MGMT: variants seen among roughly 807,000 people sequenced by gnomAD.
The protein encoded by MGMT is O-6-methylguanine-DNA methyltransferase, also known as methylated-DNA--protein-cysteine methyltransferase.
Under a neutral mutation model 15.9 loss-of-function variants are expected in MGMT, and 14 were observed. The ratio of observed to expected loss-of-function variants is 0.88; its 90% CI spans 0.58 to 1.37. The LOEUF is 1.37. MGMT is among the 40% of genes most tolerant of loss of function. The pLI, the probability that MGMT is intolerant of heterozygous loss-of-function variation, is 0.00. For missense variants in MGMT, 282 were observed against 268.1 expected, an observed-to-expected ratio of 1.05 and a Z score of -0.36; for synonymous variants, 130 against 118.2, an observed-to-expected ratio of 1.10 and a Z score of -0.65.
rs1021491403 is a variant in MGMT, at chr10:129,770,516, A to G, written c.*3519A>G. 1.3e-5 allele frequency among the ~76,000 whole-genome samples: 2 copies of G among 152,186 alleles called. No homozygotes were observed. The highest frequency in any genetic ancestry group is 2.9e-5 in the Non-Finnish European group (2 of 68,028). On this transcript the variant is annotated 3_prime_UTR_variant, in exon 5 of 5. Transcript: ENST00000651593. Reference sequence around the variant, plus strand: ...TGCCGCTTGCTCACCTTGGCTGTCCATGCACCCGTAGCTGTGACCATGGGC... The same window carrying G: ...TGCCGCTTGCTCACCTTGGCTGTCCGTGCACCCGTAGCTGTGACCATGGGC...
In MGMT at chr10:129,716,197, G is replaced by A. The variant is rs111372913; in HGVS notation, c.274+8154G>A. ...TTAAACACTTGACTCCGTTTAGTTC[G>A]GATCAGGCCTTCTCTGCCCTTCCAA... is the stretch of plus-strand genomic sequence containing the variant. On this transcript the variant is annotated intron_variant, in intron 3 of 4. Coordinates refer to ENST00000651593, the MANE Select transcript of MGMT (RefSeq NM_002412.5). Among the ~76,000 whole-genome samples the A allele has an allele frequency of 2.7e-3, 404 of 152,224 alleles. 3 individuals carry two copies. The highest frequency in any genetic ancestry group is 4.2e-3 in the Non-Finnish European group (284 of 68,028).
intron 3 of MGMT, among the ~76,000 whole-genome samples, chr10:129,752,106 G>T (rs1848756557): frequency 6.6e-6 from 1 of 151,852 alleles, no homozygotes; most frequent in Admixed American, 6.6e-5. Flanking sequence ...AGGTGTTTAG[G>T]TCTCCACATA....
intron 2 of MGMT, among the ~76,000 whole-genome samples, chr10:129,616,835 G>T (rs1184827510): frequency 1.3e-5 from 2 of 152,092 alleles, no homozygotes; most frequent in African/African-American, 4.8e-5. Flanking sequence ...TGGGAGAGGG[G>T]CCTGGGAGTG....
intron 2 of MGMT, among the ~76,000 whole-genome samples, chr10:129,657,535 T>C (rs1050837242): frequency 4.0e-5 from 6 of 151,484 alleles, no homozygotes; most frequent in African/African-American, 1.5e-4. Context: ...AGTCAGGTGC[T>C]GGTCAGTGTC....
intron 2 of MGMT, among the ~76,000 whole-genome samples, chr10:129,560,487 C>T (rs1846264052): frequency 6.6e-6 from 1 of 152,158 alleles, no homozygotes; most frequent in African/African-American, 2.4e-5. Flanking sequence ...CTCTTTTGTA[C>T]TCTGCATTCG....
At chr10:129,584,335 G>A (rs1242587533) in intron 2 of MGMT, among the ~76,000 whole-genome samples, 1 of 152,146 alleles carries the variant, frequency 6.6e-6, no homozygotes, top group Non-Finnish European at 1.5e-5. Flanking sequence ...ATGGGGGCCT[G>A]ACAGGTATCT....
intron 2 of MGMT, among the ~76,000 whole-genome samples, chr10:129,683,202 C>T (rs1272101629): frequency 6.6e-6 from 1 of 152,164 alleles, no homozygotes; most frequent in Non-Finnish European, 1.5e-5. Context: ...ATGGCGTTGG[C>T]TTTGCTGCTG....
chr10:129,636,753 C>T (rs987545953), intron 2 of MGMT, among the ~76,000 whole-genome samples: 2 of 152,098 alleles, frequency 1.3e-5, no homozygotes, highest in African/African-American at 4.8e-5. Flanking sequence ...TTCATATTTG[C>T]ATTTATGAGA....
intron 2 of MGMT, among the ~76,000 whole-genome samples, chr10:129,690,505 A>G (rs551393194): frequency 3.3e-5 from 5 of 152,320 alleles, no homozygotes; most frequent in South Asian, 4.2e-4. Flanking sequence ...TACCTGTGGA[A>G]ACCACAGGAC....
chr10:129,546,583 A>G (rs1277523026), intron 2 of MGMT, among the ~76,000 whole-genome samples: 2 of 152,216 alleles, frequency 1.3e-5, no homozygotes, highest in Non-Finnish European at 2.9e-5. Flanking sequence ...GTGGCCATGA[A>G]GAGCTACCAA....
intron 2 of MGMT, among the ~76,000 whole-genome samples, chr10:129,669,502 T>C (rs1847697587): frequency 6.6e-6 from 1 of 152,234 alleles, no homozygotes; most frequent in Non-Finnish European, 1.5e-5. Context: ...ATTTGAGCAT[T>C]TGTATTGCTT....
intron 2 of MGMT, among the ~76,000 whole-genome samples, chr10:129,674,757 A>G (rs766776409): frequency 1.9e-4 from 29 of 152,308 alleles, no homozygotes; most frequent in Non-Finnish European, 4.0e-4. Context: ...TCTATCCTGC[A>G]TGTTCTTGGT....
At chr10:129,652,272 C>A (rs140409672) in intron 2 of MGMT, among the ~76,000 whole-genome samples, 1,912 of 152,352 alleles carry the variant, frequency 0.013, 22 homozygotes, top group Non-Finnish European at 0.02. Flanking sequence ...GGGGCTCGGC[C>A]TCCTTCCTCT....
intron 3 of MGMT, among the ~76,000 whole-genome samples, chr10:129,750,284 G>T (rs1848738012): frequency 6.6e-6 from 1 of 152,062 alleles, no homozygotes; most frequent in African/African-American, 2.4e-5. Flanking sequence ...TCATTTTTGA[G>T]AAAGGTATAA....
At chr10:129,598,166 AG>A (rs1846774341) in intron 2 of MGMT, among the ~76,000 whole-genome samples, 2 of 152,180 alleles carry the variant, frequency 1.3e-5, no homozygotes, top group African/African-American at 4.8e-5. Flanking sequence ...GCCCAGCCTC[AG>A]GGTGGGTGCA....
At position 129,704,514 on chromosome 10, in the gene MGMT, C is replaced by A. The variant is rs768304766; in HGVS notation, c.126-3381C>A. On this transcript the variant is annotated intron_variant, in intron 2 of 4. Coordinates refer to ENST00000651593, the MANE Select transcript of MGMT (RefSeq NM_002412.5). ...GGTAAGGCGGCAGTTTGGAGAAGAC[C>A]GGGGCATGTTCTGTCTGGCCGCAGT... 9.2e-5 allele frequency among the ~76,000 whole-genome samples: 14 copies of A among 152,166 alleles called. No individual in the cohort carries two copies. The South Asian group carries it at 1.0e-3, about 11-fold the overall frequency.
intron 2 of MGMT, among the ~76,000 whole-genome samples, chr10:129,669,312 C>T (rs994659944): frequency 6.6e-6 from 1 of 152,120 alleles, no homozygotes; most frequent in Non-Finnish European, 1.5e-5. Context: ...ACTATGGATG[C>T]ACACCACTGT....
chr10:129,471,417 A>C (rs1057391684), intron 1 of MGMT, among the ~76,000 whole-genome samples: 1 of 152,122 alleles, frequency 6.6e-6, no homozygotes, highest in Non-Finnish European at 1.5e-5. Flanking sequence ...ATTTGTTTTT[A>C]AACTTTTAGC....
chr10:129,504,202 G>C (rs897868594), intron 1 of MGMT, among the ~76,000 whole-genome samples: 1 of 152,244 alleles, frequency 6.6e-6, no homozygotes, highest in African/African-American at 2.4e-5. Context: ...GCAATCAGGT[G>C]TATGTACCTG....
Sources: allele counts gnomAD v4.1 joint callset (sites outside exome capture counted in the v4.1 genomes callset), GRCh38; gene constraint gnomAD v4.1.1; transcripts MANE v1.5; gene names NCBI Gene and HGNC (gene_info 2026-07-23, HGNC 2026-07-21).